RALYL: variants seen among roughly 807,000 people sequenced by gnomAD.
RALYL encodes RALY RNA binding protein like.
In RALYL, 29 loss-of-function variants were observed where a neutral mutation model predicts 35.1. The ratio of observed to expected loss-of-function variants is 0.83; its 90% confidence interval spans 0.61 to 1.13. The LOEUF (loss-of-function observed/expected upper bound fraction) is 1.13. Ranked by LOEUF, RALYL falls within the 50% of genes most tolerant of loss-of-function variation. The pLI, the probability that RALYL is intolerant of heterozygous loss-of-function variation, is 0.00. For missense variants in RALYL, 359 were observed against 360.4 expected (o/e 1.00, Z 0.03); for synonymous variants, 120 against 127.6 (o/e 0.94, Z 0.40).
chr8:84,815,009 C>A (rs958022130), intron 4 of RALYL, among the ~76,000 whole-genome samples: 3 of 152,198 alleles, frequency 2.0e-5, no homozygotes, highest in African/African-American at 7.2e-5. Flanking sequence ...CATCCACCTC[C>A]ATTGTTTTCC....
intron 2 of RALYL, among the ~76,000 whole-genome samples, chr8:84,721,040 C>T (rs1002489236): frequency 1.3e-5 from 2 of 151,754 alleles, no homozygotes; most frequent in African/African-American, 4.8e-5. Context: ...ACTAGTACAG[C>T]CACAATGGAA....
intron 1 of RALYL, among the ~76,000 whole-genome samples, chr8:84,247,749 G>A (rs911593485): frequency 3.3e-5 from 5 of 151,916 alleles, no homozygotes; most frequent in South Asian, 2.1e-4. Flanking sequence ...ACGTCTAATC[G>A]AAGTGAGCCA....
intron 1 of RALYL, among the ~76,000 whole-genome samples, chr8:84,324,383 TAG>T (rs746717727): frequency 9.2e-5 from 14 of 152,042 alleles, no homozygotes; most frequent in Non-Finnish European, 1.6e-4. Flanking sequence ...TTGTATAGCT[TAG>T]AGTCATTTAC....
At chr8:84,639,128 T>C (rs1395475034) in intron 2 of RALYL, among the ~76,000 whole-genome samples, 2 of 151,248 alleles carry the variant, frequency 1.3e-5, no homozygotes, top group Non-Finnish European at 1.5e-5. Flanking sequence ...CCATGGTTGG[T>C]GGTCTTTTCT....
At chr8:84,626,230 C>T (rs1822699807) in intron 2 of RALYL, among the ~76,000 whole-genome samples, 2 of 152,170 alleles carry the variant, frequency 1.3e-5, no homozygotes, top group Admixed American at 6.5e-5. Flanking sequence ...TTAAGTTGAA[C>T]ATACTGAGAT....
intron 3 of RALYL, among the ~76,000 whole-genome samples, chr8:84,792,771 A>G (rs1821100100): frequency 1.3e-5 from 2 of 152,168 alleles, no homozygotes; most frequent in African/African-American, 2.4e-5. Context: ...GGTAGTCTCA[A>G]AGCAGTTAGA....
At chr8:84,564,563 C>T (rs1226411338) in intron 2 of RALYL, among the ~76,000 whole-genome samples, 1 of 151,662 alleles carries the variant, frequency 6.6e-6, no homozygotes, top group Admixed American at 6.6e-5. Context: ...CTGCCACAAT[C>T]CCTTCAATGT....
rs553945383 is a variant in RALYL at position 84,503,943 on chromosome 8, T to A, written c.-23-25356T>A. Among the ~76,000 whole-genome samples, 6 of 151,964 alleles carry A rather than the reference T, an allele frequency of 3.9e-5. No homozygotes were observed. In the East Asian group the frequency reaches 9.7e-4, roughly 25 times the overall value. ...AAAGTAAAGACAAAATAATCAAATA[T>A]TAGAAAAAATATAGGGATATTAATT... is the stretch of plus-strand genomic sequence containing the variant. On this transcript the variant is annotated intron_variant, in intron 1 of 8. Coordinates refer to ENST00000521268, the MANE Select transcript of RALYL (RefSeq NM_173848.7).
chr8:84,326,062 A>C (rs1845735580), intron 1 of RALYL, among the ~76,000 whole-genome samples: 1 of 152,192 alleles, frequency 6.6e-6, no homozygotes, highest in Non-Finnish European at 1.5e-5. Context: ...CAGTGAGCTG[A>C]GATCCTGCCA....
chr8:84,335,833 T>G (rs535129043), intron 1 of RALYL, among the ~76,000 whole-genome samples: 25 of 151,904 alleles, frequency 1.6e-4, no homozygotes, highest in Admixed American at 5.3e-4. Flanking sequence ...TTCTGCTTTT[T>G]GGGCCTTCTG....
At chr8:84,815,566 A>AAG (rs1827029421) in intron 4 of RALYL, among the ~76,000 whole-genome samples, 1 of 151,304 alleles carries the variant, frequency 6.6e-6, no homozygotes, top group Non-Finnish European at 1.5e-5. Context: ...CTTGTTTTTT[A>AAG]ATGGAGGGCT....
At chr8:84,291,912 T>C (rs1838833784) in intron 1 of RALYL, among the ~76,000 whole-genome samples, 1 of 149,306 alleles carries the variant, frequency 6.7e-6, no homozygotes. Context: ...AATATATTCA[T>C]ATATATAATC....
chr8:84,477,772 T>C (rs2053594101), intron 1 of RALYL, among the ~76,000 whole-genome samples: 2 of 151,720 alleles, frequency 1.3e-5, no homozygotes, highest in South Asian at 4.1e-4. Flanking sequence ...GCAAAGGTAA[T>C]AACATTTCTA....
chr8:84,222,699 A>G (rs1296798672), intron 1 of RALYL, among the ~76,000 whole-genome samples: 1 of 152,134 alleles, frequency 6.6e-6, no homozygotes, highest in Admixed American at 6.6e-5. Flanking sequence ...TTTGGCCAAT[A>G]GTAATCTGGT....
At chr8:84,819,315 T>G (rs193079957) in intron 4 of RALYL, among the ~76,000 whole-genome samples, 1 of 152,310 alleles carries the variant, frequency 6.6e-6, no homozygotes, top group African/African-American at 2.4e-5. Flanking sequence ...ACAACTGTAA[T>G]TTTAATTTAT....
chr8:84,422,633 G>T (rs2045795607), intron 1 of RALYL, among the ~76,000 whole-genome samples: 1 of 140,936 alleles, frequency 7.1e-6, no homozygotes, highest in Admixed American at 7.2e-5. Context: ...TCTTTTAATT[G>T]TGATGTTAGG....
chr8:84,563,043 T>G (rs2135621981), intron 2 of RALYL, among the ~76,000 whole-genome samples: 1 of 151,882 alleles, frequency 6.6e-6, no homozygotes, highest in Admixed American at 6.6e-5. Context: ...GTCCTAGGAG[T>G]ACCTGATGAC....
chr8:84,866,419 C>T (rs957173146), intron 6 of RALYL, among the ~76,000 whole-genome samples: 7 of 152,100 alleles, frequency 4.6e-5, no homozygotes, highest in Non-Finnish European at 1.0e-4. Flanking sequence ...ATATAAAATG[C>T]TTAGGCACAT....
At chr8:84,835,524 A>T (rs1281576036) in intron 4 of RALYL, among the ~76,000 whole-genome samples, 4 of 149,488 alleles carry the variant, frequency 2.7e-5, no homozygotes, top group Non-Finnish European at 5.9e-5. Flanking sequence ...AAAAAAAAAA[A>T]AATACAAAAT....
Sources: allele counts gnomAD v4.1 joint callset (sites outside exome capture counted in the v4.1 genomes callset), GRCh38; gene constraint gnomAD v4.1.1; transcripts MANE v1.5; gene names NCBI Gene and HGNC (gene_info 2026-07-23, HGNC 2026-07-21).